Variants in CDIN1 observed in about 807,000 individuals in gnomAD.
CDIN1 encodes CDAN1 interacting nuclease 1, also known as CDAN1-interacting nuclease 1.
CDIN1 carries 33 observed loss-of-function variants against 45.3 expected under a neutral mutation model. The observed-to-expected ratio is 0.73, with a 90% CI of 0.55 to 0.97. The LOEUF (loss-of-function observed/expected upper bound fraction) is 0.97. Ranked by LOEUF, CDIN1 falls within the 50% of genes least tolerant of loss-of-function variation. The probability of loss-of-function intolerance (pLI) is 0.00; values close to 1 mark genes in which losing one functional copy is unlikely to be tolerated. For missense variants in CDIN1, 303 were observed against 339.4 expected, an observed-to-expected ratio of 0.89 and a Z score of 0.84; for synonymous variants, 118 against 124.4, an observed-to-expected ratio of 0.95 and a Z score of 0.34.
At chr15:36,722,066 T>A (rs2043441061) in intron 10 of CDIN1, among the ~76,000 whole-genome samples, 1 of 152,146 alleles carries the variant, frequency 6.6e-6, no homozygotes, top group South Asian at 2.1e-4. Flanking sequence ...TCTATTTTGT[T>A]TTTTAACTTT....
chr15:36,715,826 A>G (rs1024444453), intron 10 of CDIN1, among the ~76,000 whole-genome samples: 1 of 152,212 alleles, frequency 6.6e-6, no homozygotes. Context: ...AAAATATTTT[A>G]TCAGGATGAG....
intron 10 of CDIN1, among the ~76,000 whole-genome samples, chr15:36,720,279 A>G (rs2043365165): frequency 6.9e-6 from 1 of 144,178 alleles, no homozygotes; most frequent in South Asian, 2.2e-4. Context: ...TTTATTTATT[A>G]TTATTTTTAA....
intron 1 of CDIN1, among the ~76,000 whole-genome samples, chr15:36,614,440 A>C (rs551972741): frequency 1.1e-3 from 172 of 152,366 alleles, no homozygotes; most frequent in Middle Eastern, 3.4e-3. Context: ...GAATGTGAGC[A>C]CAATGCATAG....
intron 1 of CDIN1, chr15:36,617,597 C>T: frequency 2.6e-6 from 2 of 776,366 alleles, no homozygotes; most frequent in South Asian, 1.3e-5. Flanking sequence ...ACCACAGACC[C>T]TGATGTAATT....
At chr15:36,695,319 G>A (rs2042383364) in intron 7 of CDIN1, among the ~76,000 whole-genome samples, 1 of 152,152 alleles carries the variant, frequency 6.6e-6, no homozygotes, top group South Asian at 2.1e-4. Flanking sequence ...GACGTTATCA[G>A]TGAAAAGGAC....
chr15:36,619,157 C>T, intron 1 of CDIN1: 1 of 1,155,864 alleles, frequency 8.7e-7, no homozygotes, highest in Non-Finnish European at 1.3e-6. Context: ...CCCAGGGGAG[C>T]AGCTGGAAAA....
intron 3 of CDIN1, among the ~76,000 whole-genome samples, chr15:36,651,831 C>A (rs1166782739): frequency 1.3e-5 from 2 of 152,114 alleles, no homozygotes; most frequent in African/African-American, 4.8e-5. Flanking sequence ...TAAGTATGGT[C>A]ATGCTTTTAA....
chr15:36,737,369 C>A (rs1716972599), intron 10 of CDIN1, among the ~76,000 whole-genome samples: 1 of 152,082 alleles, frequency 6.6e-6, no homozygotes, highest in African/African-American at 2.4e-5. Flanking sequence ...ATGTTAGGAG[C>A]ATTTGGAAAA....
At chr15:36,770,720 A>T (rs2054054377) in intron 10 of CDIN1, among the ~76,000 whole-genome samples, 1 of 152,176 alleles carries the variant, frequency 6.6e-6, no homozygotes, top group Admixed American at 6.5e-5. Context: ...AAGTGCTGGG[A>T]TTACAGGCGT....
intron 3 of CDIN1, among the ~76,000 whole-genome samples, chr15:36,649,698 A>G (rs1162150536): frequency 6.6e-6 from 1 of 152,176 alleles, no homozygotes; most frequent in East Asian, 1.9e-4. Flanking sequence ...CCTACAAACT[A>G]GTAAAGATGA....
intron 5 of CDIN1, among the ~76,000 whole-genome samples, chr15:36,674,803 T>G (rs2041585054): frequency 6.6e-6 from 1 of 152,088 alleles, no homozygotes; most frequent in Non-Finnish European, 1.5e-5. Context: ...TTATTGATTA[T>G]CCATTATCGT....
At chr15:36,804,540 A>C (rs2055159401) in intron 10 of CDIN1, 1 of 152,088 alleles carries the variant, frequency 6.6e-6, no homozygotes, top group South Asian at 2.1e-4. Flanking sequence ...ACAGGGTCCC[A>C]ATATAACAGA....
At chr15:36,726,102 A>G (rs1200424825) in intron 10 of CDIN1, among the ~76,000 whole-genome samples, 3 of 152,214 alleles carry the variant, frequency 2.0e-5, no homozygotes, top group Non-Finnish European at 2.9e-5. Context: ...TCCAAGGTAA[A>G]TATTTTAATG....
chr15:36,582,904 G>T (rs2037113420), intron 1 of CDIN1, among the ~76,000 whole-genome samples: 1 of 152,042 alleles, frequency 6.6e-6, no homozygotes, highest in African/African-American at 2.4e-5. Context: ...ATTATTATAG[G>T]TTGTACCTTT....
At chr15:36,772,286 C>CGTAA (rs1566963498) in intron 10 of CDIN1, among the ~76,000 whole-genome samples, 1 of 152,108 alleles carries the variant, frequency 6.6e-6, no homozygotes, top group African/African-American at 2.4e-5. Flanking sequence ...GCTTTACTTA[C>CGTAA]TTTACTTGGC....
intron 1 of CDIN1, among the ~76,000 whole-genome samples, chr15:36,610,478 C>A (rs1465316123): frequency 2.0e-5 from 3 of 152,156 alleles, no homozygotes; most frequent in African/African-American, 7.2e-5. Context: ...GGCTTTTGTG[C>A]CATTTATCTT....
intron 1 of CDIN1, chr15:36,619,184 G>C: frequency 8.0e-7 from 1 of 1,256,578 alleles, no homozygotes; most frequent in South Asian, 1.4e-5. Context: ...GAACAGAGAT[G>C]CCAGTTTAGT....
Position 36,798,179 on chromosome 15 carries a change from A to C in CDIN1, c.717-10145A>C, listed in dbSNP as rs1032254686. On this transcript the variant is annotated intron_variant, in intron 10 of 10. Coordinates refer to ENST00000566621, the MANE Select transcript of CDIN1 (RefSeq NM_001321759.2). ...TGGCTGACTCCTATGTGCCACTGAAATACAAGCTGCCCTCATGAAGCTTAC... is the reference window on the plus strand; with the variant it reads ...TGGCTGACTCCTATGTGCCACTGAACTACAAGCTGCCCTCATGAAGCTTAC... Among the ~76,000 whole-genome samples the C allele has an allele frequency of 3.8e-4, 58 of 152,152 alleles. 1 individual carries two copies. Among genetic ancestry groups the C allele is most frequent in the African/African-American group, 1.4e-3 (56 of 41,434 alleles).
chr15:36,609,690 G>T (rs1212040574), intron 1 of CDIN1, among the ~76,000 whole-genome samples: 1 of 152,202 alleles, frequency 6.6e-6, no homozygotes, highest in African/African-American at 2.4e-5. Flanking sequence ...GAAGATACTG[G>T]CCTGGGGATC....
Sources: allele counts gnomAD v4.1 joint callset (sites outside exome capture counted in the v4.1 genomes callset), GRCh38; gene constraint gnomAD v4.1.1; transcripts MANE v1.5; gene names NCBI Gene and HGNC (gene_info 2026-07-23, HGNC 2026-07-21).